The following RHBDL3 variants were observed in gnomAD, a reference collection of about 807,000 sequenced individuals.
RHBDL3 encodes the protein rhomboid like 3.
A neutral mutation model predicts 48.2 loss-of-function variants in RHBDL3; 28 were observed. The ratio of observed to expected loss-of-function variants is 0.58; its 90% CI spans 0.43 to 0.80. The LOEUF is 0.80. Among genes scored for constraint, RHBDL3 ranks in the 30% least tolerant of loss-of-function variants. RHBDL3 has a pLI of 0.00. For synonymous variants in RHBDL3, 208 were observed against 232.3 expected, an observed-to-expected ratio of 0.90 and a Z score of 0.95; for missense variants, 464 against 542.7, an observed-to-expected ratio of 0.85 and a Z score of 1.44.
At chr17:32,319,562 G>A (rs35874497) in intron 8 of RHBDL3, among the ~76,000 whole-genome samples, 2 of 152,048 alleles carry the variant, frequency 1.3e-5, no homozygotes, top group East Asian at 3.9e-4. Context: ...GCTGTCCCAG[G>A]GCAGGAGTGG....
Position 32,320,989 on chromosome 17 carries a change from C to T in RHBDL3, c.975C>T (p.Leu325=). 6.2e-7 allele frequency: 1 copy of T among 1,613,500 alleles called. No homozygotes were observed. The highest frequency in any genetic ancestry group is 2.2e-5 in the East Asian group (1 of 44,876). ...TGGAGTTTGGGCGGGCCGTGTGGCT[C>T]CGCTTCCACCCGTCGGCCTATCCCC... ...MSMEFGRAVW[L]RFHPSAYPPC... The change falls in exon 9 of 9, where the codon CTC becomes CTT. Residue 325 remains leucine, a synonymous_variant. Transcript: ENST00000269051.
At chr17:32,277,054 A>G (rs915428215) in intron 2 of RHBDL3, among the ~76,000 whole-genome samples, 1 of 152,204 alleles carries the variant, frequency 6.6e-6, no homozygotes, top group Non-Finnish European at 1.5e-5. Context: ...GTGTGTGTAC[A>G]TGGGAGAAGA....
intron 2 of RHBDL3, among the ~76,000 whole-genome samples, chr17:32,268,279 C>A (rs1421587548): frequency 6.6e-6 from 1 of 152,168 alleles, no homozygotes; most frequent in African/African-American, 2.4e-5. Context: ...GGCTGACAAT[C>A]CCTCTCCGTT....
chr17:32,266,003 G>T lies in RHBDL3; in HGVS notation c.-187G>T, dbSNP rs942758234. On this transcript the variant is annotated 5_prime_UTR_variant, in exon 1 of 9. Coordinates refer to ENST00000269051, the MANE Select transcript of RHBDL3 (RefSeq NM_138328.3). ...CGGCGGAGGGGCCGGGCGTCCCGGG[G>T]TCGCGAGGAGGCGGCGGCGGCGCGG... is the stretch of plus-strand genomic sequence containing the variant. Among the ~76,000 whole-genome samples, 5 of 145,832 alleles carry T rather than the reference G, an allele frequency of 3.4e-5. No homozygotes were observed. Among genetic ancestry groups the T allele is most frequent in the African/African-American group, 1.2e-4 (5 of 40,692 alleles).
intron 3 of RHBDL3, among the ~76,000 whole-genome samples, chr17:32,285,111 C>T (rs888207580): frequency 8.1e-5 from 11 of 136,202 alleles, no homozygotes; most frequent in Non-Finnish European, 1.4e-4. Context: ...CTGCACCTTG[C>T]AGAAGGGAGG....
chr17:32,299,802 T>C (rs1457725798), intron 6 of RHBDL3, among the ~76,000 whole-genome samples: 2 of 152,200 alleles, frequency 1.3e-5, no homozygotes, highest in South Asian at 2.1e-4. Flanking sequence ...GGCTGTATCA[T>C]TGAGCACATG....
chr17:32,274,360 G>A (rs1046220000), intron 2 of RHBDL3, among the ~76,000 whole-genome samples: 18 of 152,188 alleles, frequency 1.2e-4, no homozygotes, highest in African/African-American at 2.7e-4. Context: ...AAACCAGTCC[G>A]TGTGTGGCTT....
chr17:32,289,076 G>A (rs2040267235), intron 4 of RHBDL3, 60 bp downstream of exon 4: 3 of 1,330,084 alleles, frequency 2.3e-6, no homozygotes, highest in Admixed American at 1.7e-5. Context: ...TATGGGGAGA[G>A]GAGCCAAGAG....
chr17:32,321,218 C>A lies in RHBDL3; in HGVS notation c.1204C>A (p.Pro402Thr). Residue 402 changes from proline to threonine, a missense_variant, in exon 9 of 9, where the codon CCT becomes ACT. Physicochemically the swap from Pro to Thr is conservative, Grantham distance 38. Coordinates refer to ENST00000269051, the MANE Select transcript of RHBDL3 (RefSeq NM_138328.3). ...CACCCTGCTGGACTTAAAGCTGCCGCCTCCCCCCTGAGGGCTGGAGGCCCA... is the reference window on the plus strand; with the variant it reads ...CACCCTGCTGGACTTAAAGCTGCCGACTCCCCCCTGAGGGCTGGAGGCCCA... ...AYTLLDLKLP[P>T]PP The A allele has an allele frequency of 6.2e-7, 1 of 1,614,234 alleles. No homozygotes were observed. The highest frequency in any genetic ancestry group is 8.5e-7 in the Non-Finnish European group (1 of 1,180,052).
chr17:32,271,277 A>C (rs1448929328), intron 2 of RHBDL3, among the ~76,000 whole-genome samples: 1 of 152,200 alleles, frequency 6.6e-6, no homozygotes, highest in Non-Finnish European at 1.5e-5. Context: ...CTTATTAAGT[A>C]AGCCTTCTTT....
rs1403787307 is a variant in RHBDL3 at position 32,288,953 on chromosome 17, G to C, written c.456G>C (p.Trp152Cys). 6.2e-7 allele frequency: 1 copy of C among 1,614,224 alleles called. No homozygotes were observed. The highest frequency in any genetic ancestry group is 1.1e-5 in the South Asian group (1 of 91,084). The change falls in exon 4 of 9, where the codon TGG (tryptophan) becomes TGC (cysteine). Residue 152 changes from tryptophan (W) to cysteine (C), a missense_variant. Transcript: ENST00000269051. ...TGCCCCGGGAAATTGACCGCAAGTG[G>C]TACTATGACAGCTACACCTGCTGCC... The part of the protein sequence containing the change: ...ETLPREIDRK[W>C]YYDSYTCCPP...
intron 2 of RHBDL3, 147 bp downstream of exon 2, chr17:32,268,072 C>T (rs566299382): frequency 3.1e-4 from 228 of 730,564 alleles, no homozygotes; most frequent in Non-Finnish European, 5.0e-4. Flanking sequence ...TAGGGCTGAA[C>T]GACACTGCTC....
At chr17:32,288,169 C>T (rs920253071) in intron 3 of RHBDL3, 2 of 152,434 alleles carry the variant, frequency 1.3e-5, no homozygotes, top group Admixed American at 6.5e-5. Flanking sequence ...CCCAAGCTAG[C>T]GTGTCTGAGG....
Position 32,268,018 on chromosome 17 carries a change from C to T in RHBDL3, c.135+93C>T, listed in dbSNP as rs371441313. The T allele has an allele frequency of 3.0e-5, 29 of 950,972 alleles. 1 individual carries two copies. The East Asian group carries it at 6.0e-4, about 20-fold the overall frequency. 58.9% of individuals were successfully genotyped at this position (950,972 alleles called of 1,614,324 possible). ...GCGTGGGCTTCCCTAGCTCCGCGCT[C>T]CTGAGATGGTGACGTGGGGTGGGGG... is the stretch of plus-strand genomic sequence containing the variant. On this transcript the variant is annotated intron_variant, in intron 2 of 8. Transcript: ENST00000269051.
At chr17:32,295,257 A>G (rs1336458163) in intron 5 of RHBDL3, among the ~76,000 whole-genome samples, 1 of 152,214 alleles carries the variant, frequency 6.6e-6, no homozygotes, top group Non-Finnish European at 1.5e-5. Context: ...AAGACCCACA[A>G]TGGCCAAGAG....
At chr17:32,290,731 A>G (rs2040305585) in intron 4 of RHBDL3, among the ~76,000 whole-genome samples, 1 of 152,208 alleles carries the variant, frequency 6.6e-6, no homozygotes, top group African/African-American at 2.4e-5. Context: ...GGCTGAGTGC[A>G]GTGGTTCACA....
chr17:32,294,503 T>C lies in RHBDL3; in HGVS notation c.668+61T>C, dbSNP rs2040407514. The C allele has an allele frequency of 2.7e-5, 39 of 1,451,476 alleles. 1 individual carries two copies. Among genetic ancestry groups the C allele is most frequent in the Non-Finnish European group, 3.6e-5 (39 of 1,077,378 alleles). 89.9% of individuals were successfully genotyped at this position (1,451,476 alleles called of 1,614,324 possible). A position where few individuals can be genotyped will look rare whatever the true frequency, so the allele number is the denominator to read the frequency against. Reference sequence around the variant, plus strand: ...CCTACAGAAAAATAAGTGGTCAAGATAGCCTGGATTGAAATATAGTTTTTA... The same window carrying C: ...CCTACAGAAAAATAAGTGGTCAAGACAGCCTGGATTGAAATATAGTTTTTA... On this transcript the variant is annotated intron_variant, in intron 5 of 8. Coordinates refer to ENST00000269051, the MANE Select transcript of RHBDL3 (RefSeq NM_138328.3).
intron 2 of RHBDL3, among the ~76,000 whole-genome samples, chr17:32,282,579 A>G (rs1239552092): frequency 6.6e-6 from 1 of 152,158 alleles, no homozygotes; most frequent in Non-Finnish European, 1.5e-5. Context: ...ACAAAAAACA[A>G]TAGACCTCAT....
At chr17:32,282,484 C>T (rs1011513849) in intron 2 of RHBDL3, among the ~76,000 whole-genome samples, 8 of 152,098 alleles carry the variant, frequency 5.3e-5, no homozygotes, top group Non-Finnish European at 8.8e-5. Flanking sequence ...AGAGGATTGC[C>T]GAGCCCAGGA....
Sources: gnomAD v4.1 joint callset for allele counts (sites outside exome capture counted in the v4.1 genomes callset) on GRCh38, gnomAD v4.1.1 for gene constraint, MANE v1.5 for transcripts, NCBI Gene and HGNC (gene_info 2026-07-23, HGNC 2026-07-21) for gene names.